The following UBE2E2 variants were observed in gnomAD, a reference collection of about 807,000 sequenced individuals.
UBE2E2 encodes the protein ubiquitin conjugating enzyme E2 E2.
A neutral mutation model predicts 24.7 loss-of-function variants in UBE2E2; 6 were observed. The ratio of observed to expected loss-of-function variants is 0.24; its 90% CI spans 0.13 to 0.48. The LOEUF is 0.48. Among genes scored for constraint, UBE2E2 ranks in the 20% least tolerant of loss-of-function variants. The probability of loss-of-function intolerance (pLI) is 0.99; values close to 1 mark genes in which losing one functional copy is unlikely to be tolerated. For missense variants in UBE2E2, 169 were observed against 245.0 expected (o/e 0.69, Z 2.07); for synonymous variants, 104 against 83.6 (o/e 1.24, Z -1.33).
chr3:23,488,542 G>A (rs1320954784), intron 3 of UBE2E2, among the ~76,000 whole-genome samples: 1 of 152,108 alleles, frequency 6.6e-6, no homozygotes, highest in African/African-American at 2.4e-5. Context: ...AATTTTTACT[G>A]TGATTACTTT....
chr3:23,334,976 T>C (rs1695163359), intron 3 of UBE2E2, among the ~76,000 whole-genome samples: 1 of 152,190 alleles, frequency 6.6e-6, no homozygotes, highest in Non-Finnish European at 1.5e-5. Flanking sequence ...TTGTGAAAAT[T>C]TGAGAGAAAG....
intron 3 of UBE2E2, among the ~76,000 whole-genome samples, chr3:23,399,287 T>C (rs1697157769): frequency 6.6e-6 from 1 of 152,194 alleles, no homozygotes; most frequent in Admixed American, 6.5e-5. Context: ...ATTTGCACTT[T>C]GGGGCTATTA....
chr3:23,507,587 C>T (rs544694668), intron 4 of UBE2E2, among the ~76,000 whole-genome samples: 4 of 152,314 alleles, frequency 2.6e-5, no homozygotes, highest in East Asian at 1.9e-4. Flanking sequence ...GGTTAAGCTG[C>T]GCACAGGCCA....
At chr3:23,226,102 C>T (rs1243656768) in intron 3 of UBE2E2, among the ~76,000 whole-genome samples, 4 of 152,172 alleles carry the variant, frequency 2.6e-5, no homozygotes, top group Admixed American at 6.5e-5. Context: ...TGGTCTCGAA[C>T]TCCTGATCCC....
chr3:23,294,499 T>C (rs1698853923), intron 3 of UBE2E2, among the ~76,000 whole-genome samples: 2 of 151,852 alleles, frequency 1.3e-5, no homozygotes, highest in African/African-American at 2.4e-5. Flanking sequence ...GCTCATCTGT[T>C]TCCATTTATC....
intron 3 of UBE2E2, among the ~76,000 whole-genome samples, chr3:23,491,438 G>A (rs1011757335): frequency 1.3e-5 from 2 of 152,188 alleles, no homozygotes; most frequent in African/African-American, 4.8e-5. Context: ...CACTTCCAAA[G>A]GAGAACCTAG....
chr3:23,537,706 A>G (rs73139793), intron 5 of UBE2E2, among the ~76,000 whole-genome samples: 3,883 of 152,258 alleles, frequency 0.026, 70 homozygotes, highest in Middle Eastern at 0.068. Context: ...AAGCAATGAA[A>G]ACAATTCTTA....
At chr3:23,485,864 T>C (rs1284157203) in intron 3 of UBE2E2, among the ~76,000 whole-genome samples, 1 of 152,190 alleles carries the variant, frequency 6.6e-6, no homozygotes, top group African/African-American at 2.4e-5. Flanking sequence ...AATTAGAGCC[T>C]TTAAAGAGAA....
At chr3:23,351,056 G>A (rs1259278891) in intron 3 of UBE2E2, among the ~76,000 whole-genome samples, 1 of 152,222 alleles carries the variant, frequency 6.6e-6, no homozygotes, top group Non-Finnish European at 1.5e-5. Flanking sequence ...AACTCTACAA[G>A]CCAGAAGAGA....
chr3:23,265,717 T>A (rs1255453702), intron 3 of UBE2E2, among the ~76,000 whole-genome samples: 1 of 152,054 alleles, frequency 6.6e-6, no homozygotes, highest in Non-Finnish European at 1.5e-5. Context: ...GAAACCCACT[T>A]GGAGGTCTGT....
intron 5 of UBE2E2, among the ~76,000 whole-genome samples, chr3:23,537,861 CAG>C (rs1488961531): frequency 6.6e-6 from 1 of 152,048 alleles, no homozygotes; most frequent in Admixed American, 6.5e-5. Context: ...ACCATTAAGT[CAG>C]ATTAATTATT....
At chr3:23,215,034 A>G (rs552533762) in intron 2 of UBE2E2, among the ~76,000 whole-genome samples, 1 of 152,170 alleles carries the variant, frequency 6.6e-6, no homozygotes, top group African/African-American at 2.4e-5. Flanking sequence ...CCTTCCTCCC[A>G]GTTAATGATA....
At chr3:23,533,945 G>T (rs1384788898) in intron 5 of UBE2E2, among the ~76,000 whole-genome samples, 4 of 151,984 alleles carry the variant, frequency 2.6e-5, no homozygotes, top group Admixed American at 6.6e-5. Context: ...AATTGTGCAG[G>T]ATCATTATAA....
intron 3 of UBE2E2, among the ~76,000 whole-genome samples, chr3:23,435,337 A>G (rs1698155583): frequency 6.6e-6 from 1 of 152,212 alleles, no homozygotes; most frequent in Admixed American, 6.5e-5. Context: ...AATATTCTTA[A>G]TCCTAGTTTA....
chr3:23,327,619 AC>A (rs1694938447), intron 3 of UBE2E2, among the ~76,000 whole-genome samples: 1 of 152,180 alleles, frequency 6.6e-6, no homozygotes, highest in African/African-American at 2.4e-5. Context: ...TTAGTATTAG[AC>A]TGTCACTTGG....
chr3:23,499,415 T>C (rs1035221465), intron 3 of UBE2E2, among the ~76,000 whole-genome samples, 193 bp from the exon 4 acceptor site: 5 of 152,236 alleles, frequency 3.3e-5, no homozygotes, highest in Non-Finnish European at 7.3e-5. Context: ...GGTGTTCTTT[T>C]ATGAAGTGAT....
chr3:23,234,885 C>A (rs1333320918), intron 3 of UBE2E2, among the ~76,000 whole-genome samples: 2 of 151,978 alleles, frequency 1.3e-5, no homozygotes, highest in Non-Finnish European at 2.9e-5. Flanking sequence ...GTATTGGGGG[C>A]CTGGGAAATA....
chr3:23,285,544 C>T (rs1379128273), intron 3 of UBE2E2, among the ~76,000 whole-genome samples: 1 of 152,098 alleles, frequency 6.6e-6, no homozygotes, highest in Non-Finnish European at 1.5e-5. Context: ...TTTGTTATTG[C>T]CTGTCTTTGG....
intron 5 of UBE2E2, among the ~76,000 whole-genome samples, chr3:23,552,410 T>C (rs1369677401): frequency 6.6e-6 from 1 of 152,146 alleles, no homozygotes; most frequent in East Asian, 1.9e-4. Flanking sequence ...ATGTACCAAT[T>C]CCCAGGGGAC....
Sources: gnomAD v4.1 joint callset for allele counts (sites outside exome capture counted in the v4.1 genomes callset) on GRCh38, gnomAD v4.1.1 for gene constraint, MANE v1.5 for transcripts, NCBI Gene and HGNC (gene_info 2026-07-23, HGNC 2026-07-21) for gene names.